The following RELN variants were observed in gnomAD, a reference collection of about 807,000 sequenced individuals.
RELN encodes reelin.
RELN carries 108 observed loss-of-function variants against 427.6 expected under a neutral mutation model. The ratio of observed to expected loss-of-function variants is 0.25; its 90% CI spans 0.22 to 0.30. The LOEUF is 0.30. RELN is among the 10% of genes least tolerant of loss of function. The pLI is 1.00. For synonymous variants in RELN, 1,524 were observed against 1,513.4 expected (o/e 1.01, Z -0.16); for missense variants, 3,715 against 4,302.8 (o/e 0.86, Z 3.82).
At chr7:103,878,380 C>A (rs181695467) in intron 2 of RELN, among the ~76,000 whole-genome samples, 521 of 152,268 alleles carry the variant, frequency 3.4e-3, no homozygotes, top group Middle Eastern at 0.014. Context: ...TAAATACTTA[C>A]CAAATTGTGG....
chr7:103,828,478 T>C (rs1392303357), intron 3 of RELN, among the ~76,000 whole-genome samples: 1 of 152,016 alleles, frequency 6.6e-6, no homozygotes, highest in Non-Finnish European at 1.5e-5. Flanking sequence ...GTTTTCATTC[T>C]GTTTTCAGTT....
rs1833665581 is a variant in RELN, at chr7:103,682,107, A to G, written c.1289+9T>C. On this transcript the variant is annotated intron_variant, in intron 11 of 64. Transcript: ENST00000428762. ...TACATACACAGCATGGGAGATAGCA[A>G]TTACTTACCCTGTAGGCTGGCTCTC... 6.2e-7 allele frequency: 1 copy of G among 1,612,998 alleles called. No individual in the cohort carries two copies.
chr7:103,762,049 T>C lies in RELN; in HGVS notation c.545-8835A>G, dbSNP rs550889406. On this transcript the variant is annotated intron_variant, in intron 4 of 64. Transcript: ENST00000428762. ...TTTCCAATGTCTATTCTTCTTTTCTTTATTTCTTTATTTCTCAGCGCCCCC... is the reference window on the plus strand; with the variant it reads ...TTTCCAATGTCTATTCTTCTTTTCTCTATTTCTTTATTTCTCAGCGCCCCC... Among the ~76,000 whole-genome samples, 5 of 151,804 alleles carry C rather than the reference T, an allele frequency of 3.3e-5. No homozygotes were observed. In the East Asian group the frequency reaches 5.8e-4, roughly 18 times the overall value.
chr7:103,757,603 G>T (rs953584935), intron 4 of RELN, among the ~76,000 whole-genome samples: 1 of 152,190 alleles, frequency 6.6e-6, no homozygotes, highest in Non-Finnish European at 1.5e-5. Context: ...GTGGGTTTTG[G>T]TTTTGGAGAA....
At chr7:103,934,272 T>C (rs1248216524) in intron 1 of RELN, among the ~76,000 whole-genome samples, 2 of 152,224 alleles carry the variant, frequency 1.3e-5, no homozygotes, top group African/African-American at 2.4e-5. Flanking sequence ...AATCTCTTTT[T>C]TGTTTTTCAG....
At chr7:103,490,019 C>A (rs1010416222) in intron 59 of RELN, 120 bp from the exon 60 acceptor site, 41 of 1,110,494 alleles carry the variant, frequency 3.7e-5, no homozygotes, top group Non-Finnish European at 5.4e-5. Flanking sequence ...AAATGTCTTC[C>A]TGAAGCACCC....
chr7:103,541,860 GT>G (rs1245245227), intron 43 of RELN, among the ~76,000 whole-genome samples: 1 of 152,100 alleles, frequency 6.6e-6, no homozygotes, highest in Admixed American at 6.5e-5. Context: ...TTATAACTGT[GT>G]AATTATTTCA....
intron 2 of RELN, among the ~76,000 whole-genome samples, chr7:103,847,607 A>T (rs1332624309): frequency 6.6e-6 from 1 of 152,190 alleles, no homozygotes; most frequent in Non-Finnish European, 1.5e-5. Flanking sequence ...CAGATAGGTC[A>T]AACTTGGCAT....
chr7:103,747,038 A>T (rs557956500), intron 6 of RELN, among the ~76,000 whole-genome samples: 120 of 152,348 alleles, frequency 7.9e-4, no homozygotes, highest in East Asian at 3.9e-4. Flanking sequence ...TGATAGATGG[A>T]TTAAGAAAAT....
At chr7:103,704,453 C>G (rs999100970) in intron 8 of RELN, among the ~76,000 whole-genome samples, 1 of 152,074 alleles carries the variant, frequency 6.6e-6, no homozygotes. Flanking sequence ...CAAATCCACA[C>G]GTACCATCCT....
At position 103,959,758 on chromosome 7, in the gene RELN, C is replaced by T. The variant is rs751170039; in HGVS notation, c.226+29373G>A. On this transcript the variant is annotated intron_variant, in intron 1 of 64. Transcript: ENST00000428762. ...CCCCAGTAGCTGGGACTACAGCATGCACCACCACACTTGGCTAATTTTTTA... is the reference window on the plus strand; with the variant it reads ...CCCCAGTAGCTGGGACTACAGCATGTACCACCACACTTGGCTAATTTTTTA... 1.1e-4 allele frequency among the ~76,000 whole-genome samples: 16 copies of T among 152,022 alleles called. 1 individual carries two copies. The highest frequency in any genetic ancestry group is 2.9e-5 in the Non-Finnish European group (2 of 67,992).
intron 3 of RELN, among the ~76,000 whole-genome samples, chr7:103,796,511 A>G (rs1173312587): frequency 1.3e-5 from 2 of 152,206 alleles, no homozygotes; most frequent in Non-Finnish European, 2.9e-5. Context: ...CCCTGGATAC[A>G]ATTCATAGCA....
At chr7:103,707,164 G>GT (rs1340111774) in intron 8 of RELN, among the ~76,000 whole-genome samples, 1 of 151,864 alleles carries the variant, frequency 6.6e-6, no homozygotes. Flanking sequence ...ATTTATACCC[G>GT]TTTTTTCCCT....
intron 50 of RELN, among the ~76,000 whole-genome samples, chr7:103,514,945 T>C (rs1187706862): frequency 6.6e-6 from 1 of 152,206 alleles, no homozygotes; most frequent in African/African-American, 2.4e-5. Context: ...AAGAAAATCC[T>C]GTTAATAAAA....
intron 2 of RELN, among the ~76,000 whole-genome samples, chr7:103,877,224 A>G (rs1259335358): frequency 1.3e-5 from 2 of 152,042 alleles, no homozygotes; most frequent in Admixed American, 6.6e-5. Context: ...CTTGTCATCT[A>G]TGGAAAACAG....
chr7:103,492,064 T>A, intron 57 of RELN, 38 bp from the exon 58 acceptor site: 1 of 1,439,998 alleles, frequency 6.9e-7, no homozygotes. Context: ...CAGGTAAGAT[T>A]AGATGATACT....
At chr7:103,944,682 C>A (rs1268516204) in intron 1 of RELN, among the ~76,000 whole-genome samples, 1 of 152,124 alleles carries the variant, frequency 6.6e-6, no homozygotes, top group Non-Finnish European at 1.5e-5. Context: ...AGGTGCAGAG[C>A]AGTAGGTTGC....
At chr7:103,607,114 G>C (rs1407576097) in intron 22 of RELN, among the ~76,000 whole-genome samples, 1 of 121,844 alleles carries the variant, frequency 8.2e-6, no homozygotes, top group Non-Finnish European at 1.7e-5. Context: ...GGTGGGGGGA[G>C]GGATACCATT....
intron 61 of RELN, chr7:103,484,556 T>TA (rs1828359676): frequency 1.3e-5 from 2 of 153,062 alleles, no homozygotes; most frequent in Non-Finnish European, 2.9e-5. Flanking sequence ...CAGCCAGTCT[T>TA]ACGACTACAT....
Sources: gnomAD v4.1 joint callset for allele counts (sites outside exome capture counted in the v4.1 genomes callset) on GRCh38, gnomAD v4.1.1 for gene constraint, MANE v1.5 for transcripts, NCBI Gene and HGNC (gene_info 2026-07-23, HGNC 2026-07-21) for gene names.